EIF4E2: variants seen among roughly 807,000 people sequenced by gnomAD.
The protein encoded by EIF4E2 is eukaryotic translation initiation factor 4E type 2.
Under a neutral mutation model 34.2 loss-of-function variants are expected in EIF4E2, and 13 were observed. The ratio of observed to expected loss-of-function variants is 0.38; its 90% CI spans 0.25 to 0.60. The LOEUF (loss-of-function observed/expected upper bound fraction) is 0.60. Ranked by LOEUF, EIF4E2 falls within the 20% of genes least tolerant of loss-of-function variation. The pLI, the probability that EIF4E2 is intolerant of heterozygous loss-of-function variation, is 0.62. For synonymous variants in EIF4E2, 100 were observed against 106.6 expected, an observed-to-expected ratio of 0.94 and a Z score of 0.38; for missense variants, 222 against 315.1, an observed-to-expected ratio of 0.70 and a Z score of 2.24.
exon 7 of EIF4E2, chr2:232,582,736 T>TACAC (rs1283690030): frequency 1.3e-5 from 2 of 152,226 alleles, no homozygotes; most frequent in East Asian, 3.8e-4. Flanking sequence ...TCAGTGTGTA[T>TACAC]GTGTAGAGTG....
intron 1 of EIF4E2, among the ~76,000 whole-genome samples, chr2:232,551,748 T>G (rs1692339550): frequency 6.6e-6 from 1 of 152,256 alleles, no homozygotes; most frequent in Non-Finnish European, 1.5e-5. Flanking sequence ...ACTATTAGTT[T>G]AGGTTGTGAC....
In EIF4E2 at chr2:232,556,381, G is replaced by C. The variant is rs141535153; in HGVS notation, c.21-35G>C. On this transcript the variant is annotated intron_variant, in intron 1 of 6. Transcript: ENST00000258416. ...TGTTAGGTAAGCAAGAATTGACTTCGTCACAGAATTGTATTGTGTTGCCTT... is the reference window on the plus strand; with the variant it reads ...TGTTAGGTAAGCAAGAATTGACTTCCTCACAGAATTGTATTGTGTTGCCTT... 1,010 of 1,561,344 alleles carry C rather than the reference G, an allele frequency of 6.5e-4. 13 individuals are homozygous for C. In the South Asian group the frequency reaches 9.9e-3, roughly 15 times the overall value.
chr2:232,570,790 G>T (rs1052663755), downstream of EIF4E2, among the ~76,000 whole-genome samples: 10 of 152,156 alleles, frequency 6.6e-5, no homozygotes, highest in Non-Finnish European at 1.0e-4. Flanking sequence ...TACAAAATTA[G>T]CCGGGCATAG....
chr2:232,551,071 G>A (rs1692295042), intron 1 of EIF4E2: 1 of 628,482 alleles, frequency 1.6e-6, no homozygotes, highest in South Asian at 1.6e-5. Flanking sequence ...GGGGACCTCG[G>A]CGGTTTGGGT....
chr2:232,575,850 T>G (rs1288731643), intron 6 of EIF4E2, among the ~76,000 whole-genome samples: 7 of 152,152 alleles, frequency 4.6e-5, no homozygotes, highest in African/African-American at 1.7e-4. Flanking sequence ...TCTAAGATTT[T>G]TTTGGCTTTT....
intron 6 of EIF4E2, 192 bp from the exon 7 acceptor site, chr2:232,568,753 G>C: frequency 5.1e-6 from 5 of 985,422 alleles, no homozygotes; most frequent in Non-Finnish European, 6.0e-6. Flanking sequence ...AGAGCCTGTG[G>C]GCTTTTTGCC....
chr2:232,581,330 T>C lies in EIF4E2; in HGVS notation c.*387T>C, dbSNP rs1693356281. Reference sequence around the variant, plus strand: ...CTGTTGATGAGAGTTACCAGTATTATGAATGTCTGTGCATCCAGGAAAAGT... The same window carrying C: ...CTGTTGATGAGAGTTACCAGTATTACGAATGTCTGTGCATCCAGGAAAAGT... On this transcript the variant is annotated 3_prime_UTR_variant, in exon 7 of 7. Coordinates refer to the EIF4E2 transcript ENST00000409098. The surrounding 1 kb of genome is among the most constrained non-coding windows in gnomAD (Gnocchi z 5.2). The C allele has an allele frequency of 5.5e-6, 2 of 363,208 alleles. No individual in the cohort carries two copies. Among genetic ancestry groups the C allele is most frequent in the Admixed American group, 7.9e-5 (2 of 25,474 alleles). 22.5% of individuals were successfully genotyped at this position (363,208 alleles called of 1,614,324 possible). A position where few individuals can be genotyped will look rare whatever the true frequency, so the allele number is the denominator to read the frequency against.
At chr2:232,551,271 T>C (rs1692308840) in intron 1 of EIF4E2, 1 of 472,026 alleles carries the variant, frequency 2.1e-6, no homozygotes, top group African/African-American at 2.0e-5. Flanking sequence ...GGAATTATCT[T>C]CCTGAGACTC....
At chr2:232,558,805 C>A (rs1692613521) in intron 3 of EIF4E2, 1 of 152,048 alleles carries the variant, frequency 6.6e-6, no homozygotes, top group African/African-American at 2.4e-5. Context: ...CATAAAATAT[C>A]TTTTTCCTGT....
intron 6 of EIF4E2, among the ~76,000 whole-genome samples, chr2:232,577,159 G>C (rs774220360): frequency 1.6e-4 from 24 of 152,236 alleles, no homozygotes; most frequent in Non-Finnish European, 1.8e-4. Flanking sequence ...TTGAAGACGA[G>C]AGACTGGAAT....
intron 3 of EIF4E2, among the ~76,000 whole-genome samples, chr2:232,563,003 G>A (rs1410001847): frequency 2.6e-5 from 4 of 152,180 alleles, no homozygotes; most frequent in African/African-American, 4.8e-5. Context: ...GCCATTTCAC[G>A]CAGTGTAAGG....
At chr2:232,559,759 C>T (rs952622386) in intron 3 of EIF4E2, among the ~76,000 whole-genome samples, 2 of 146,472 alleles carry the variant, frequency 1.4e-5, no homozygotes, top group African/African-American at 2.6e-5. Context: ...GCCTAGGCAA[C>T]GTGATGAGAC....
At chr2:232,580,092 AC>A (rs1232830693) in intron 6 of EIF4E2, among the ~76,000 whole-genome samples, 2 of 7,844 alleles carry the variant, frequency 2.5e-4, no homozygotes, top group African/African-American at 5.5e-4. Flanking sequence ...TACCACACAC[AC>A]ACACACACAC....
chr2:232,562,118 G>A (rs1692746239), intron 3 of EIF4E2, among the ~76,000 whole-genome samples: 1 of 152,104 alleles, frequency 6.6e-6, no homozygotes, highest in African/African-American at 2.4e-5. Flanking sequence ...AGGAGGCTGA[G>A]GCAGGAGGAT....
chr2:232,555,611 T>A (rs1692491046), intron 1 of EIF4E2, among the ~76,000 whole-genome samples: 3 of 152,306 alleles, frequency 2.0e-5, no homozygotes, highest in Middle Eastern at 3.4e-3. Context: ...GTGCTGGAGA[T>A]ACCGAGATGA....
chr2:232,561,480 G>C (rs1217751625), intron 3 of EIF4E2, among the ~76,000 whole-genome samples: 2 of 152,156 alleles, frequency 1.3e-5, no homozygotes, highest in Non-Finnish European at 2.9e-5. Flanking sequence ...TTTAAAGTCT[G>C]TCATTTTGAC....
chr2:232,574,178 G>A, downstream of EIF4E2: 1 of 1,345,972 alleles, frequency 7.4e-7, no homozygotes, highest in Non-Finnish European at 1.0e-6. Flanking sequence ...TCTGAAGGGG[G>A]ATGTGGGGTT....
chr2:232,569,144 TAAG>T lies in EIF4E2; in HGVS notation c.*130_*132del. 1.3e-5 allele frequency: 19 copies of T among 1,493,288 alleles called. No individual in the cohort carries two copies. The highest frequency in any genetic ancestry group is 1.6e-5 in the Non-Finnish European group (18 of 1,121,202). The allele number at this position is 1,493,288 out of a possible 1,614,324, so 92.5% of individuals were successfully genotyped here. ...GGAATTGGAAGAGCATTTTATGTTT[TAAG>T]AACAGGCTGACACGCAGCAGCTACA... On this transcript the variant is annotated 3_prime_UTR_variant, in exon 7 of 7. Transcript: ENST00000258416.
downstream of EIF4E2, chr2:232,573,690 A>G (rs143568768): frequency 2.5e-3 from 454 of 181,784 alleles, 2 homozygotes; most frequent in African/African-American, 9.8e-3. Flanking sequence ...TAGTAGTTAC[A>G]TAAGCACTTA....
Sources: allele counts gnomAD v4.1 joint callset (sites outside exome capture counted in the v4.1 genomes callset), GRCh38; gene constraint gnomAD v4.1.1; non-coding constraint Gnocchi (gnomAD v3.1); transcripts MANE v1.5; gene names NCBI Gene and HGNC (gene_info 2026-07-23, HGNC 2026-07-21).